NKAIN3: variants seen among roughly 807,000 people sequenced by gnomAD.
NKAIN3 encodes the protein sodium/potassium transporting ATPase interacting 3.
NKAIN3 carries 25 observed loss-of-function variants against 30.2 expected under a neutral mutation model. That is an observed-to-expected ratio of 0.83 (90% CI 0.60 to 1.16). NKAIN3 has a LOEUF of 1.16. Ranked by LOEUF, NKAIN3 falls within the 50% of genes most tolerant of loss-of-function variation. The probability of loss-of-function intolerance (pLI) is 0.00; values close to 1 mark genes in which losing one functional copy is unlikely to be tolerated. For missense variants in NKAIN3, 225 were observed against 254.1 expected (o/e 0.89, Z 0.78); for synonymous variants, 91 against 89.6 (o/e 1.02, Z -0.09).
chr8:62,413,395 A>G (rs1804326751), intron 1 of NKAIN3, among the ~76,000 whole-genome samples: 1 of 152,146 alleles, frequency 6.6e-6, no homozygotes, highest in African/African-American at 2.4e-5. Context: ...CTTGTTAAAT[A>G]TTTTTGACTA....
At chr8:62,865,300 G>A (rs1820384198) in intron 4 of NKAIN3, among the ~76,000 whole-genome samples, 1 of 152,198 alleles carries the variant, frequency 6.6e-6, no homozygotes, top group Non-Finnish European at 1.5e-5. Flanking sequence ...ATCCTTGGTT[G>A]AATTCTTACC....
chr8:62,772,614 C>G (rs1487983443), intron 4 of NKAIN3, among the ~76,000 whole-genome samples: 1 of 150,228 alleles, frequency 6.7e-6, no homozygotes, highest in African/African-American at 2.4e-5. Flanking sequence ...TGTCTGTTTG[C>G]TATTCGTAAG....
At chr8:62,712,049 C>A (rs973975656) in intron 3 of NKAIN3, among the ~76,000 whole-genome samples, 2 of 152,134 alleles carry the variant, frequency 1.3e-5, no homozygotes, top group Admixed American at 1.3e-4. Context: ...CAGCTCTGGG[C>A]TGGTACTGGG....
At chr8:62,438,126 A>G (rs1476934533) in intron 1 of NKAIN3, among the ~76,000 whole-genome samples, 3 of 152,114 alleles carry the variant, frequency 2.0e-5, no homozygotes, top group Non-Finnish European at 4.4e-5. Context: ...CTTCCAAGAG[A>G]AGGGGCTGCG....
chr8:62,553,310 A>T (rs1809274749), intron 1 of NKAIN3, among the ~76,000 whole-genome samples: 1 of 152,096 alleles, frequency 6.6e-6, no homozygotes, highest in African/African-American at 2.4e-5. Context: ...TCTCTCAAAA[A>T]GTTTGTCTTT....
chr8:62,857,160 A>G (rs1200683439), intron 4 of NKAIN3: 5 of 338,588 alleles, frequency 1.5e-5, no homozygotes, highest in Admixed American at 4.1e-5. Context: ...AATGTTGAAT[A>G]TAGGGCCCCA....
At chr8:62,627,074 C>T (rs1811812279) in intron 3 of NKAIN3, among the ~76,000 whole-genome samples, 1 of 152,112 alleles carries the variant, frequency 6.6e-6, no homozygotes, top group South Asian at 2.1e-4. Context: ...GCTTCTTTCC[C>T]CCAACGCCTC....
At chr8:62,645,609 A>T (rs1812436834) in intron 3 of NKAIN3, among the ~76,000 whole-genome samples, 1 of 152,090 alleles carries the variant, frequency 6.6e-6, no homozygotes, top group African/African-American at 2.4e-5. Context: ...AGATTTTTTA[A>T]ATTAATCAAG....
chr8:62,624,537 A>G (rs1811733341), intron 3 of NKAIN3, among the ~76,000 whole-genome samples: 1 of 140,966 alleles, frequency 7.1e-6, no homozygotes, highest in Non-Finnish European at 1.5e-5. Flanking sequence ...TTAATCTTTG[A>G]TTTTCTGTAG....
At chr8:62,652,502 T>G (rs910454028) in intron 3 of NKAIN3, among the ~76,000 whole-genome samples, 2 of 152,182 alleles carry the variant, frequency 1.3e-5, no homozygotes, top group African/African-American at 4.8e-5. Flanking sequence ...AAGAAAAGTT[T>G]CTCATTCCCA....
At chr8:62,313,379 T>C (rs1814510079) in intron 1 of NKAIN3, among the ~76,000 whole-genome samples, 1 of 151,618 alleles carries the variant, frequency 6.6e-6, no homozygotes, top group South Asian at 2.1e-4. Context: ...TTCATTCTTC[T>C]TTCAGAATCC....
intron 1 of NKAIN3, among the ~76,000 whole-genome samples, chr8:62,337,830 A>G (rs1054822540): frequency 6.6e-6 from 1 of 152,020 alleles, no homozygotes; most frequent in Admixed American, 6.6e-5. Context: ...AATTAATTTC[A>G]CAACTGCAGT....
At chr8:62,607,130 C>A (rs1457412706) in intron 3 of NKAIN3, among the ~76,000 whole-genome samples, 1 of 152,078 alleles carries the variant, frequency 6.6e-6, no homozygotes, top group African/African-American at 2.4e-5. Context: ...CAATTGCCAG[C>A]AATTTGCTGT....
intron 3 of NKAIN3, among the ~76,000 whole-genome samples, chr8:62,734,558 A>G (rs1815587919): frequency 1.3e-5 from 2 of 152,166 alleles, no homozygotes; most frequent in Non-Finnish European, 2.9e-5. Context: ...CCCATTCAGA[A>G]TTCCCTTTCT....
intron 1 of NKAIN3, among the ~76,000 whole-genome samples, chr8:62,284,480 G>A (rs1482404154): frequency 2.0e-5 from 3 of 151,992 alleles, no homozygotes; most frequent in Non-Finnish European, 4.4e-5. Context: ...TACAAAATTA[G>A]GCGGGCATGG....
intron 1 of NKAIN3, among the ~76,000 whole-genome samples, chr8:62,460,899 A>C (rs182293060): frequency 6.6e-6 from 1 of 152,356 alleles, no homozygotes; most frequent in East Asian, 1.9e-4. Context: ...TCAGTAGAAT[A>C]ACCAGAAAAC....
intron 4 of NKAIN3, among the ~76,000 whole-genome samples, chr8:62,824,016 G>T (rs1483802319): frequency 6.6e-6 from 1 of 152,150 alleles, no homozygotes; most frequent in African/African-American, 2.4e-5. Flanking sequence ...GAACTGAACT[G>T]CTATGCAATC....
intron 1 of NKAIN3, among the ~76,000 whole-genome samples, chr8:62,382,866 C>T (rs565749052): frequency 6.6e-6 from 1 of 152,150 alleles, no homozygotes; most frequent in Non-Finnish European, 1.5e-5. Flanking sequence ...TTGGCTCTGT[C>T]AGAAATCCTG....
At chr8:62,350,388 T>C (rs745902041) in intron 1 of NKAIN3, among the ~76,000 whole-genome samples, 1 of 152,082 alleles carries the variant, frequency 6.6e-6, no homozygotes, top group Non-Finnish European at 1.5e-5. Flanking sequence ...CAGCATATGA[T>C]TCGAGTTATA....
Sources: allele counts gnomAD v4.1 joint callset (sites outside exome capture counted in the v4.1 genomes callset), GRCh38; gene constraint gnomAD v4.1.1; transcripts MANE v1.5; gene names NCBI Gene and HGNC (gene_info 2026-07-23, HGNC 2026-07-21).